Variants in MYO9A observed in about 807,000 individuals in gnomAD.
MYO9A encodes the protein myosin IXA, also known as unconventional myosin-IXa.
Under a neutral mutation model 293.3 loss-of-function variants are expected in MYO9A, and 103 were observed. The observed-to-expected ratio is 0.35, with a 90% CI of 0.30 to 0.41. MYO9A has a LOEUF of 0.41. Ranked by LOEUF, MYO9A falls within the 10% of genes least tolerant of loss-of-function variation. MYO9A has a pLI of 1.00. For missense variants in MYO9A, 2,685 were observed against 3,033.0 expected, an observed-to-expected ratio of 0.89 and a Z score of 2.69; for synonymous variants, 1,001 against 1,035.7, an observed-to-expected ratio of 0.97 and a Z score of 0.64.
At chr15:72,114,739 C>CA (rs1277996731) in intron 1 of MYO9A, among the ~76,000 whole-genome samples, 2 of 152,192 alleles carry the variant, frequency 1.3e-5, no homozygotes, top group Non-Finnish European at 2.9e-5. Flanking sequence ...CAAAGGCAAG[C>CA]ACTCTAGACA....
chr15:71,965,881 A>G (rs986719223), intron 13 of MYO9A, among the ~76,000 whole-genome samples: 5 of 146,572 alleles, frequency 3.4e-5, no homozygotes, highest in African/African-American at 1.2e-4. Flanking sequence ...TTGTCCTACA[A>G]TTTTTTTTTT....
intron 18 of MYO9A, among the ~76,000 whole-genome samples, chr15:71,931,797 T>C (rs2058482752): frequency 6.6e-6 from 1 of 152,230 alleles, no homozygotes; most frequent in Non-Finnish European, 1.5e-5. Flanking sequence ...TTCTGCACAT[T>C]AGATAACCTA....
chr15:71,914,195 G>T (rs552288093), intron 19 of MYO9A, among the ~76,000 whole-genome samples: 1 of 152,140 alleles, frequency 6.6e-6, no homozygotes, highest in South Asian at 2.1e-4. Context: ...CATTTGTTTG[G>T]GTTTCCTCTT....
chr15:71,873,862 G>A (rs1017997982), intron 32 of MYO9A, among the ~76,000 whole-genome samples: 1 of 152,114 alleles, frequency 6.6e-6, no homozygotes, highest in Non-Finnish European at 1.5e-5. Context: ...AGTATATAAA[G>A]TGCCTAAACA....
intron 11 of MYO9A, among the ~76,000 whole-genome samples, chr15:71,990,089 A>AT (rs71133942): frequency 0.89 from 126,693 of 143,038 alleles, 56,879 homozygotes; most frequent in Non-Finnish European, 0.96. Flanking sequence ...TATATAAGCA[A>AT]TTTTTTTTTT....
chr15:72,030,278 C>T (rs936989024), intron 3 of MYO9A, among the ~76,000 whole-genome samples: 8 of 152,134 alleles, frequency 5.3e-5, no homozygotes, highest in Non-Finnish European at 1.2e-4. Flanking sequence ...ATTACTGCCC[C>T]TATTTTACAA....
At chr15:71,882,912 C>G (rs1253077852) in intron 28 of MYO9A, among the ~76,000 whole-genome samples, 1 of 152,178 alleles carries the variant, frequency 6.6e-6, no homozygotes, top group Non-Finnish European at 1.5e-5. Flanking sequence ...TCAAGCGATT[C>G]TCCTACCTCA....
In MYO9A at chr15:71,852,281, G is replaced by T. The variant is rs1181288443; in HGVS notation, c.6347-21C>A. 1.7e-5 allele frequency: 27 copies of T among 1,568,714 alleles called. No homozygotes were observed. In the Admixed American group the frequency reaches 2.2e-4, roughly 13 times the overall value. On this transcript the variant is annotated intron_variant, in intron 35 of 41. Transcript: ENST00000356056. ...AGCATCTATTTAGAGACAAGAGTTA[G>T]ATTAACAGAGCCAAAACATGCAAAG...
rs954290023 is a variant in MYO9A at position 71,830,113 on chromosome 15, C to A, written c.7036G>T (p.Glu2346Ter). ...LTEQIENLQK[E>*]KEELTFEMLV... ...CCCTTCCTCCTGGATACTCACTTCTCCTTCTGTAGGTTCTCAATCTGCTCA... is the reference window on the plus strand; with the variant it reads ...CCCTTCCTCCTGGATACTCACTTCTACTTCTGTAGGTTCTCAATCTGCTCA... Residue 2346 changes from glutamate (E) to a stop codon, truncating the protein, a stop_gained, in exon 40 of 42, where the codon GAG becomes TAG. Transcript: ENST00000356056. LOFTEE classifies it high-confidence loss of function. The A allele has an allele frequency of 6.2e-7, 1 of 1,613,948 alleles. No individual in the cohort carries two copies. Among genetic ancestry groups the A allele is most frequent in the South Asian group, 1.1e-5 (1 of 91,044 alleles).
Position 71,897,655 on chromosome 15 carries a change from A to G in MYO9A, c.4848T>C (p.Thr1616=), listed in dbSNP as rs1567241191. 8 of 1,614,144 alleles carry G rather than the reference A, an allele frequency of 5.0e-6. No homozygotes were observed. Among genetic ancestry groups the G allele is most frequent in the South Asian group, 4.4e-5 (4 of 91,072 alleles). ...TGTCTGTCTTGGATAATTCCTTGAC[A>G]GTACTAGATTGGCATGGACTTCCTT... The part of the protein sequence containing the change: ...ERKGSPCQSS[T]VKELSKTDRM... Residue 1616 remains threonine, a synonymous_variant, in exon 25 of 42, where the codon ACT becomes ACC. Transcript: ENST00000356056.
At position 71,893,765 on chromosome 15, in the gene MYO9A, C is replaced by T. The variant is rs1355577223; in HGVS notation, c.5056G>A (p.Ala1686Thr). 2 of 1,613,124 alleles carry T rather than the reference C, an allele frequency of 1.2e-6. No individual in the cohort carries two copies. The highest frequency in any genetic ancestry group is 2.7e-5 in the African/African-American group (2 of 74,884). The change falls in exon 26 of 42, where the codon GCC becomes ACC. Residue 1686 changes from alanine (A) to threonine (T), a missense_variant. Physicochemically the swap from Ala to Thr is moderately conservative, Grantham distance 58. Coordinates refer to ENST00000356056, the MANE Select transcript of MYO9A (RefSeq NM_006901.4). The part of the protein sequence containing the change: ...NMSIPLVSKE[A>T]LNSKNPQLHK... ...AGTTGAGGATTTTTACTGTTTAAGGCTTCTTTGCTGACACTTTAAATAAAA... is the reference window on the plus strand; with the variant it reads ...AGTTGAGGATTTTTACTGTTTAAGGTTTCTTTGCTGACACTTTAAATAAAA...
chr15:71,841,259 G>A (rs2055148905), intron 39 of MYO9A, among the ~76,000 whole-genome samples: 1 of 151,988 alleles, frequency 6.6e-6, no homozygotes, highest in Admixed American at 6.5e-5. Flanking sequence ...TCAAATCAAT[G>A]TCAAATAATA....
chr15:71,875,835 G>T lies in MYO9A; in HGVS notation c.5935C>A (p.Pro1979Thr). 7.3e-7 allele frequency: 1 copy of T among 1,376,922 alleles called. No homozygotes were observed. The highest frequency in any genetic ancestry group is 9.4e-7 in the Non-Finnish European group (1 of 1,058,572). 85.3% of individuals were successfully genotyped at this position (1,376,922 alleles called of 1,614,324 possible). A position where few individuals can be genotyped will look rare whatever the true frequency, so the allele number is the denominator to read the frequency against. The change falls in exon 32 of 42, where the codon CCA (proline) becomes ACA (threonine). Residue 1979 changes from proline (P) to threonine (T), a missense_variant. Physicochemically the swap from Pro to Thr is conservative, Grantham distance 38 (BLOSUM62 -1). Transcript: ENST00000356056. ...CTTCTTTTCTTTCTTTCTGTTTTTG[G>T]CACCTGACAGGGGGACAGGAGATAT... The part of the protein sequence containing the change: ...KTSDCTATKV[P>T]KTERKKRRKK...
At chr15:71,871,283 G>T (rs2056503763) in intron 32 of MYO9A, among the ~76,000 whole-genome samples, 1 of 152,114 alleles carries the variant, frequency 6.6e-6, no homozygotes, top group Non-Finnish European at 1.5e-5. Flanking sequence ...GCTAAGATGA[G>T]AGGACTGCTC....
intron 11 of MYO9A, among the ~76,000 whole-genome samples, chr15:71,983,840 T>C (rs1264548858): frequency 2.0e-5 from 3 of 152,258 alleles, no homozygotes; most frequent in Non-Finnish European, 4.4e-5. Flanking sequence ...TTAATATTCA[T>C]TTAGATTCAA....
chr15:71,959,965 T>G lies in MYO9A; in HGVS notation c.2118A>C (p.Arg706=). The change falls in exon 14 of 42, where the codon CGA becomes CGC. Residue 706 remains arginine, a synonymous_variant. Transcript: ENST00000356056. ...PVAVFRWAIL[R]AFFRAMVAFR... ...AAGCAACCATGGCTCTGAAAAAAGC[T>G]CGGAGAATTGCCCATCGGAAAACAG... 1 of 1,613,868 alleles carries G rather than the reference T, an allele frequency of 6.2e-7. No individual in the cohort carries two copies.
chr15:71,923,310 T>C (rs1252378619), intron 18 of MYO9A, among the ~76,000 whole-genome samples: 1 of 152,226 alleles, frequency 6.6e-6, no homozygotes, highest in Non-Finnish European at 1.5e-5. Context: ...CCATGTTCAA[T>C]CAGAGACACT....
At chr15:71,904,440 G>C (rs1463423794) in intron 20 of MYO9A, among the ~76,000 whole-genome samples, 1 of 152,210 alleles carries the variant, frequency 6.6e-6, no homozygotes, top group African/African-American at 2.4e-5. Context: ...ATCACCTGAG[G>C]TCAGGAGTTC....
intron 11 of MYO9A, among the ~76,000 whole-genome samples, chr15:71,979,549 T>G (rs748026870): frequency 2.0e-5 from 3 of 152,212 alleles, no homozygotes; most frequent in Non-Finnish European, 4.4e-5. Context: ...TTTGTCTCTT[T>G]TCTTTTTTCA....
Sources: allele counts gnomAD v4.1 joint callset (sites outside exome capture counted in the v4.1 genomes callset), GRCh38; gene constraint gnomAD v4.1.1; transcripts MANE v1.5; gene names NCBI Gene and HGNC (gene_info 2026-07-23, HGNC 2026-07-21).